The following ADAM18 variants were observed in gnomAD, a reference collection of about 807,000 sequenced individuals.
ADAM18 encodes the protein ADAM metallopeptidase domain 18.
Under a neutral mutation model 94.4 loss-of-function variants are expected in ADAM18, and 117 were observed. The observed-to-expected ratio is 1.24, with a 90% CI of 1.07 to 1.45. The LOEUF (loss-of-function observed/expected upper bound fraction) is 1.45. Ranked by LOEUF, ADAM18 falls within the 40% of genes most tolerant of loss-of-function variation. The probability of loss-of-function intolerance (pLI) is 0.00; values close to 1 mark genes in which losing one functional copy is unlikely to be tolerated. For missense variants in ADAM18, 936 were observed against 880.0 expected (o/e 1.06, Z -0.81); for synonymous variants, 327 against 291.6 (o/e 1.12, Z -1.24).
chr8:39,657,750 A>G (rs1227444079), intron 12 of ADAM18, among the ~76,000 whole-genome samples: 3 of 152,248 alleles, frequency 2.0e-5, no homozygotes, highest in Non-Finnish European at 4.4e-5. Flanking sequence ...AAAGGTAAAC[A>G]GTACATCTAA....
At chr8:39,644,486 C>G (rs1050142878) in intron 10 of ADAM18, among the ~76,000 whole-genome samples, 2 of 152,096 alleles carry the variant, frequency 1.3e-5, no homozygotes, top group African/African-American at 4.8e-5. Context: ...CGGAGTCTCA[C>G]TATGTTGCCC....
intron 14 of ADAM18, among the ~76,000 whole-genome samples, chr8:39,673,704 A>G (rs1266180622): frequency 1.3e-5 from 2 of 151,944 alleles, no homozygotes; most frequent in Non-Finnish European, 1.5e-5. Context: ...AGTTCTTTTA[A>G]TTGTGATGTT....
At chr8:39,591,803 A>G (rs1303523781) in intron 2 of ADAM18, among the ~76,000 whole-genome samples, 1 of 152,236 alleles carries the variant, frequency 6.6e-6, no homozygotes, top group Non-Finnish European at 1.5e-5. Flanking sequence ...CAGATCCAAC[A>G]GAGGAATCAC....
chr8:39,711,305 T>G (rs1323218553), intron 18 of ADAM18, among the ~76,000 whole-genome samples: 1 of 151,544 alleles, frequency 6.6e-6, no homozygotes, highest in Non-Finnish European at 1.5e-5. Flanking sequence ...ATAATCAGAG[T>G]TTCCTTGTTA....
chr8:39,668,450 C>T (rs1008562965), intron 14 of ADAM18, among the ~76,000 whole-genome samples: 4 of 152,048 alleles, frequency 2.6e-5, no homozygotes, highest in Admixed American at 1.3e-4. Context: ...ATTTACAGCT[C>T]ATCATTTATA....
chr8:39,621,321 A>T (rs1819607533), intron 6 of ADAM18, among the ~76,000 whole-genome samples: 1 of 111,330 alleles, frequency 9.0e-6, no homozygotes, highest in African/African-American at 3.5e-5. Flanking sequence ...ACACACACAC[A>T]CACACACACA....
intron 18 of ADAM18, among the ~76,000 whole-genome samples, chr8:39,719,638 G>T (rs1173577359): frequency 6.6e-6 from 1 of 151,278 alleles, no homozygotes; most frequent in East Asian, 1.9e-4. Flanking sequence ...TATAAAAAAG[G>T]GGGGCAAAAT....
chr8:39,703,784 T>A (rs1822153587), intron 17 of ADAM18, among the ~76,000 whole-genome samples: 1 of 151,924 alleles, frequency 6.6e-6, no homozygotes, highest in Admixed American at 6.6e-5. Context: ...AGTTTATTTT[T>A]TGAAAAAATT....
chr8:39,698,140 T>A (rs191704707), intron 17 of ADAM18, among the ~76,000 whole-genome samples: 8 of 152,036 alleles, frequency 5.3e-5, no homozygotes, highest in South Asian at 4.1e-4. Flanking sequence ...TCATTCTTTG[T>A]TCTTCAATCT....
intron 2 of ADAM18, among the ~76,000 whole-genome samples, chr8:39,604,248 A>G (rs1818996075): frequency 6.6e-6 from 1 of 152,212 alleles, no homozygotes; most frequent in Non-Finnish European, 1.5e-5. Flanking sequence ...AAACATACGA[A>G]GTGCTTCGGA....
chr8:39,729,117 T>A (rs543450506), intron 19 of ADAM18, among the ~76,000 whole-genome samples: 2 of 152,256 alleles, frequency 1.3e-5, no homozygotes, highest in Non-Finnish European at 2.9e-5. Context: ...TCCCTAATGA[T>A]TAGTGATATT....
intron 7 of ADAM18, among the ~76,000 whole-genome samples, chr8:39,630,067 C>A (rs556292601): frequency 6.6e-6 from 1 of 152,006 alleles, no homozygotes; most frequent in South Asian, 2.1e-4. Context: ...TCAACTAATT[C>A]AGTTTGTTGC....
At chr8:39,708,775 G>A (rs1822310976) in intron 18 of ADAM18, among the ~76,000 whole-genome samples, 1 of 152,208 alleles carries the variant, frequency 6.6e-6, no homozygotes, top group Non-Finnish European at 1.5e-5. Flanking sequence ...TCCACTCACT[G>A]GGACCTGATG....
intron 7 of ADAM18, among the ~76,000 whole-genome samples, chr8:39,630,463 T>C (rs563871726): frequency 1.9e-4 from 29 of 151,816 alleles, no homozygotes; most frequent in African/African-American, 6.7e-4. Context: ...AAGGAAAGTC[T>C]TCATAGAATA....
In ADAM18 at chr8:39,637,664, A is replaced by T; in HGVS notation, c.788A>T (p.Tyr263Phe). The T allele has an allele frequency of 6.2e-7, 1 of 1,612,228 alleles. No individual in the cohort carries two copies. The highest frequency in any genetic ancestry group is 2.2e-5 in the East Asian group (1 of 44,776). ...LQRFLAWKRD[Y>F]LILRPHDIAY... ...AGATTTTTGGCATGGAAACGGGACT[A>T]TCTCATCCTACGGCCCCATGACATA... The change falls in exon 9 of 20, where the codon TAT (tyrosine) becomes TTT (phenylalanine). Residue 263 changes from tyrosine to phenylalanine, a missense_variant. Coordinates refer to ENST00000265707, the MANE Select transcript of ADAM18 (RefSeq NM_014237.3).
intron 6 of ADAM18, chr8:39,611,694 C>G (rs984047635): frequency 1.4e-6 from 1 of 733,708 alleles, no homozygotes; most frequent in African/African-American, 1.9e-5. Context: ...CATCAAAAAG[C>G]TGAGGTTGCA....
At chr8:39,598,377 C>T (rs1286308765) in intron 2 of ADAM18, among the ~76,000 whole-genome samples, 1 of 151,962 alleles carries the variant, frequency 6.6e-6, no homozygotes, top group Non-Finnish European at 1.5e-5. Flanking sequence ...GATGTTAGCC[C>T]TAGGTTTTTT....
At chr8:39,681,211 T>C (rs1821446564) in intron 16 of ADAM18, among the ~76,000 whole-genome samples, 1 of 152,220 alleles carries the variant, frequency 6.6e-6, no homozygotes, top group African/African-American at 2.4e-5. Context: ...ATTGCTTGCT[T>C]TGCTGAAGCA....
At chr8:39,713,480 A>G (rs1822477302) in intron 18 of ADAM18, among the ~76,000 whole-genome samples, 1 of 152,212 alleles carries the variant, frequency 6.6e-6, no homozygotes, top group African/African-American at 2.4e-5. Context: ...TGGCAAAAGA[A>G]ACTACCATCC....
Sources: gnomAD v4.1 joint callset for allele counts (sites outside exome capture counted in the v4.1 genomes callset) on GRCh38, gnomAD v4.1.1 for gene constraint, MANE v1.5 for transcripts, NCBI Gene and HGNC (gene_info 2026-07-23, HGNC 2026-07-21) for gene names.